The following GNAL variants were observed in gnomAD, a reference collection of about 807,000 sequenced individuals.
GNAL encodes G protein subunit alpha L.
Under a neutral mutation model 55.1 loss-of-function variants are expected in GNAL, and 18 were observed. The ratio of observed to expected loss-of-function variants is 0.33; its 90% CI spans 0.23 to 0.48. The LOEUF is 0.48. GNAL is among the 20% of genes least tolerant of loss of function. The probability of loss-of-function intolerance (pLI) is 0.99; values close to 1 mark genes in which losing one functional copy is unlikely to be tolerated. For missense variants in GNAL, 412 were observed against 614.1 expected, an observed-to-expected ratio of 0.67 and a Z score of 3.48; for synonymous variants, 253 against 237.0, an observed-to-expected ratio of 1.07 and a Z score of -0.62.
chr18:11,707,554 A>G (rs2031741983), intron 1 of GNAL, among the ~76,000 whole-genome samples: 2 of 152,210 alleles, frequency 1.3e-5, no homozygotes, highest in South Asian at 4.1e-4. Context: ...ATTTAGCCTA[A>G]TTCTGGAGGG....
At chr18:11,791,910 C>T (rs1273758163) in intron 4 of GNAL, among the ~76,000 whole-genome samples, 2 of 152,188 alleles carry the variant, frequency 1.3e-5, no homozygotes, top group African/African-American at 4.8e-5. Context: ...ACAGGTGTCT[C>T]CCCTGGTACA....
rs1273679332 is a variant in GNAL at position 11,752,655 on chromosome 18, G to T, written c.377-198G>T. 16 of 1,362,466 alleles carry T rather than the reference G, an allele frequency of 1.2e-5. No individual in the cohort carries two copies. The highest frequency in any genetic ancestry group is 1.5e-5 in the Non-Finnish European group (16 of 1,048,222). 84.4% of individuals were successfully genotyped at this position (1,362,466 alleles called of 1,614,324 possible). A position where few individuals can be genotyped will look rare whatever the true frequency, so the allele number is the denominator to read the frequency against. Reference sequence around the variant, plus strand: ...AGGAGCGGCGAGCGCCAGGCTGGGCGGGCAGGGCCGGGCGAGGGTCGCGCG... The same window carrying T: ...AGGAGCGGCGAGCGCCAGGCTGGGCTGGCAGGGCCGGGCGAGGGTCGCGCG... On this transcript the variant is annotated intron_variant, in intron 1 of 11. Transcript: ENST00000334049. The surrounding 1 kb of genome is among the most constrained non-coding windows in gnomAD (Gnocchi z 4.5).
rs200136439 is a variant in GNAL at position 11,883,819 on chromosome 18, C to CCCAAAT, written c.*2684_*2685insCCAAAT. On this transcript the variant is annotated 3_prime_UTR_variant, in exon 12 of 12. Transcript: ENST00000334049. The stretch of plus-strand genomic sequence containing the variant: ...TCAAGGGATTCTCCTGCCTCAGCCT[C>CCCAAAT]AGCTGGTATTATAGGCACTTGCTAC... 1 of 152,152 alleles carries CCCAAAT rather than the reference C, an allele frequency of 6.6e-6. No homozygotes were observed. The highest frequency in any genetic ancestry group is 2.4e-5 in the African/African-American group (1 of 41,358). The allele number at this position is 152,152 out of a possible 1,614,324, so 9.4% of individuals were successfully genotyped here.
At chr18:11,803,554 T>C (rs994617825) in intron 4 of GNAL, among the ~76,000 whole-genome samples, 3 of 152,266 alleles carry the variant, frequency 2.0e-5, no homozygotes, top group Non-Finnish European at 4.4e-5. Flanking sequence ...TATTTGTGTA[T>C]ATTTAAAGAG....
In GNAL at chr18:11,884,601, G is replaced by GGT; in HGVS notation, c.*3469_*3470dup. ...CACGTGGGAGGTAGCACTTGGAGAG[G>GGT]GTGTAGTCTGTGGGCGTGATGCTAC... On this transcript the variant is annotated 3_prime_UTR_variant, in exon 12 of 12. Coordinates refer to ENST00000334049, the MANE Select transcript of GNAL (RefSeq NM_182978.4). The GGT allele has an allele frequency of 6.2e-7, 1 of 1,613,806 alleles. No individual in the cohort carries two copies. The highest frequency in any genetic ancestry group is 8.5e-7 in the Non-Finnish European group (1 of 1,180,006).
In GNAL at chr18:11,761,095, C is replaced by G. The variant is rs1332414255; in HGVS notation, c.624+7150C>G. Reference sequence around the variant, plus strand: ...TTGCTGGGGCTGGTTGGTGGCCCCACCTCAGTCCACACGGCCCCCAGGTCC... The same window carrying G: ...TTGCTGGGGCTGGTTGGTGGCCCCAGCTCAGTCCACACGGCCCCCAGGTCC... On this transcript the variant is annotated intron_variant, in intron 4 of 11. Transcript: ENST00000334049. Among the ~76,000 whole-genome samples, 3 of 152,146 alleles carry G rather than the reference C, an allele frequency of 2.0e-5. 1 individual carries two copies. The South Asian group carries it at 6.2e-4, about 32-fold the overall frequency.
intron 4 of GNAL, among the ~76,000 whole-genome samples, chr18:11,790,389 T>A (rs2034195526): frequency 6.6e-6 from 1 of 152,198 alleles, no homozygotes. Flanking sequence ...CTTCCAACAC[T>A]CTGACATCAA....
intron 5 of GNAL, among the ~76,000 whole-genome samples, chr18:11,841,644 CAAAAAAAA>C (rs56295234): frequency 3.3e-5 from 4 of 122,740 alleles, no homozygotes; most frequent in Middle Eastern, 7.9e-3. Flanking sequence ...GGGTCTGTCT[CAAAAAAAA>C]AAAAAAAAAA....
At chr18:11,691,083 A>C (rs2031232971) in intron 1 of GNAL, among the ~76,000 whole-genome samples, 1 of 150,322 alleles carries the variant, frequency 6.7e-6, no homozygotes, top group Admixed American at 6.6e-5. Flanking sequence ...CCAACAGTGT[A>C]AAAGTGTTCC....
At position 11,884,732 on chromosome 18, in the gene GNAL, G is replaced by A. The variant is rs2036926387; in HGVS notation, c.*3597G>A. On this transcript the variant is annotated 3_prime_UTR_variant, in exon 12 of 12. Coordinates refer to ENST00000334049, the MANE Select transcript of GNAL (RefSeq NM_182978.4). ...GACTGCCTTCTCAGGTCCCCCTCAG[G>A]TGAGGCAGGGAACGGGCCCTCCTCA... 1 of 1,370,474 alleles carries A rather than the reference G, an allele frequency of 7.3e-7. No homozygotes were observed. The highest frequency in any genetic ancestry group is 2.4e-5 in the East Asian group (1 of 42,306). The allele number at this position is 1,370,474 out of a possible 1,614,324, so 84.9% of individuals were successfully genotyped here.
chr18:11,713,341 G>A (rs1214668638), intron 1 of GNAL, among the ~76,000 whole-genome samples: 3 of 152,224 alleles, frequency 2.0e-5, no homozygotes, highest in African/African-American at 7.2e-5. Context: ...GCGTGGGGAA[G>A]CTGTAGGCTG....
intron 5 of GNAL, among the ~76,000 whole-genome samples, chr18:11,848,505 G>A (rs964109664): frequency 4.1e-5 from 6 of 145,956 alleles, no homozygotes; most frequent in Non-Finnish European, 6.0e-5. Flanking sequence ...CACCCAGGCT[G>A]TAGTGCACTG....
At position 11,853,222 on chromosome 18, in the gene GNAL, A is replaced by G. The variant is rs548490314; in HGVS notation, c.723-9173A>G. On this transcript the variant is annotated intron_variant, in intron 5 of 11. Coordinates refer to ENST00000334049, the MANE Select transcript of GNAL (RefSeq NM_182978.4). ...AATGTTTTACTTAGCCATGCAAGTC[A>G]TTTATGTATACATCCAGCCAGCTGG... 3 of 167,108 alleles carry G rather than the reference A, an allele frequency of 1.8e-5. No individual in the cohort carries two copies. In the South Asian group the frequency reaches 6.2e-4, roughly 35 times the overall value. 10.4% of individuals were successfully genotyped at this position (167,108 alleles called of 1,614,324 possible).
chr18:11,748,610 G>A (rs2032743463), intron 1 of GNAL, among the ~76,000 whole-genome samples: 2 of 152,046 alleles, frequency 1.3e-5, no homozygotes, highest in Non-Finnish European at 2.9e-5. Context: ...ATCTGAACAA[G>A]TGGAAATCTT....
chr18:11,865,570 C>G (rs140142580), intron 7 of GNAL, among the ~76,000 whole-genome samples: 12,609 of 131,146 alleles, frequency 0.096, 1,846 homozygotes, highest in African/African-American at 0.28. Context: ...GGCAACATAG[C>G]AAGACCCTGT....
At chr18:11,699,558 A>AG (rs61005238) in intron 1 of GNAL, among the ~76,000 whole-genome samples, 1,989 of 145,340 alleles carry the variant, frequency 0.014, 17 homozygotes, top group Middle Eastern at 0.028. Flanking sequence ...TTTTTTTTTG[A>AG]GGGGGGGGGT....
In GNAL at chr18:11,820,413, A is replaced by G. The variant is rs190192862; in HGVS notation, c.625-4505A>G. On this transcript the variant is annotated intron_variant, in intron 4 of 11. Coordinates refer to ENST00000334049, the MANE Select transcript of GNAL (RefSeq NM_182978.4). The stretch of plus-strand genomic sequence containing the variant: ...TAATGACTTCGCAGAATCCTTTTCT[A>G]TGTGTTTATGTATTTTTTAGTTGAG... Among the ~76,000 whole-genome samples the G allele has an allele frequency of 2.6e-5, 4 of 152,272 alleles. No individual in the cohort carries two copies. In the East Asian group the frequency reaches 5.8e-4, roughly 22 times the overall value.
intron 11 of GNAL, among the ~76,000 whole-genome samples, chr18:11,880,419 A>C (rs2036649928): frequency 6.6e-6 from 1 of 151,718 alleles, no homozygotes; most frequent in Non-Finnish European, 1.5e-5. Context: ...AAATACAAAA[A>C]TTAGCCAGGC....
At position 11,739,970 on chromosome 18, in the gene GNAL, G is replaced by A. The variant is rs112594008; in HGVS notation, c.377-12883G>A. On this transcript the variant is annotated intron_variant, in intron 1 of 11. Transcript: ENST00000334049. Reference sequence around the variant, plus strand: ...TCAGCATCTGCTGCCAATTCCACCCGACCCATGCTTCCCCACAGTGGTCGA... The same window carrying A: ...TCAGCATCTGCTGCCAATTCCACCCAACCCATGCTTCCCCACAGTGGTCGA... Among the ~76,000 whole-genome samples, 1,060 of 151,820 alleles carry A rather than the reference G, an allele frequency of 7.0e-3. 12 individuals are homozygous for A. The highest frequency in any genetic ancestry group is 0.023 in the African/African-American group (947 of 41,398).
Sources: gnomAD v4.1 joint callset for allele counts (sites outside exome capture counted in the v4.1 genomes callset) on GRCh38, gnomAD v4.1.1 for gene constraint, Gnocchi (gnomAD v3.1) non-coding constraint, MANE v1.5 for transcripts, NCBI Gene and HGNC (gene_info 2026-07-23, HGNC 2026-07-21) for gene names.